KCNAB1: variants seen among roughly 807,000 people sequenced by gnomAD.
KCNAB1 encodes the protein voltage-gated potassium channel subunit beta-1.
A neutral mutation model predicts 64.6 loss-of-function variants in KCNAB1; 35 were observed. The observed-to-expected ratio is 0.54, with a 90% CI of 0.41 to 0.72. KCNAB1 has a LOEUF of 0.72. Among genes scored for constraint, KCNAB1 ranks in the 30% least tolerant of loss-of-function variants. The pLI, the probability that KCNAB1 is intolerant of heterozygous loss-of-function variation, is 0.00. For missense variants in KCNAB1, 401 were observed against 512.9 expected, an observed-to-expected ratio of 0.78 and a Z score of 2.11; for synonymous variants, 177 against 183.8, an observed-to-expected ratio of 0.96 and a Z score of 0.30.
At chr3:156,380,379 T>G (rs1472613342) in intron 1 of KCNAB1, among the ~76,000 whole-genome samples, 1 of 152,268 alleles carries the variant, frequency 6.6e-6, no homozygotes, top group Non-Finnish European at 1.5e-5. Context: ...TATGCATTCC[T>G]TGGTGTACTG....
intron 1 of KCNAB1, among the ~76,000 whole-genome samples, chr3:156,228,983 G>T (rs1716354075): frequency 6.6e-6 from 1 of 152,212 alleles, no homozygotes; most frequent in Non-Finnish European, 1.5e-5. Context: ...GGAGTTTGGG[G>T]AGAGGGCACT....
At chr3:156,534,757 ACCTATC>A (rs1718940255) in intron 13 of KCNAB1, among the ~76,000 whole-genome samples, 1 of 151,918 alleles carries the variant, frequency 6.6e-6, no homozygotes, top group African/African-American at 2.4e-5. Context: ...CCAACCCACC[ACCTATC>A]CCAGGCAGTG....
intron 1 of KCNAB1, among the ~76,000 whole-genome samples, chr3:156,131,150 G>A (rs907231056): frequency 8.5e-5 from 13 of 152,208 alleles, no homozygotes; most frequent in African/African-American, 2.4e-4. Context: ...ATGTGCTAAT[G>A]TCCTGCCAGG....
At chr3:156,252,386 C>A (rs1230363749) in intron 1 of KCNAB1, among the ~76,000 whole-genome samples, 1 of 152,186 alleles carries the variant, frequency 6.6e-6, no homozygotes, top group East Asian at 1.9e-4. Flanking sequence ...ATTTGATAAA[C>A]CAACACTTTT....
intron 1 of KCNAB1, among the ~76,000 whole-genome samples, chr3:156,239,169 C>G (rs529636029): frequency 1.3e-5 from 2 of 152,190 alleles, no homozygotes; most frequent in East Asian, 3.8e-4. Context: ...ATTTGTCATT[C>G]TGACAAACTT....
At chr3:156,354,080 T>C (rs532904966) in intron 1 of KCNAB1, among the ~76,000 whole-genome samples, 10 of 146,714 alleles carry the variant, frequency 6.8e-5, no homozygotes, top group African/African-American at 2.5e-4. Context: ...TGTGTATATA[T>C]GTGTGTATAT....
At chr3:156,459,473 C>G (rs1712722300) in intron 4 of KCNAB1, among the ~76,000 whole-genome samples, 1 of 151,986 alleles carries the variant, frequency 6.6e-6, no homozygotes, top group African/African-American at 2.4e-5. Flanking sequence ...TGCTTCACAG[C>G]AATTAGAAGG....
intron 1 of KCNAB1, among the ~76,000 whole-genome samples, chr3:156,293,327 T>C (rs972120696): frequency 1.3e-5 from 2 of 152,244 alleles, no homozygotes; most frequent in African/African-American, 4.8e-5. Flanking sequence ...TTTGCAGATA[T>C]GATTTTGTTA....
At chr3:156,225,596 A>T (rs1221872566) in intron 1 of KCNAB1, among the ~76,000 whole-genome samples, 1 of 152,202 alleles carries the variant, frequency 6.6e-6, no homozygotes, top group East Asian at 1.9e-4. Flanking sequence ...GAAAGAAATA[A>T]AGGGCATCCA....
At chr3:156,463,488 A>G (rs1002381744) in intron 5 of KCNAB1, among the ~76,000 whole-genome samples, 11 of 152,086 alleles carry the variant, frequency 7.2e-5, no homozygotes, top group Non-Finnish European at 5.9e-5. Context: ...ATTTCCATTC[A>G]GCCTCTTCCT....
intron 1 of KCNAB1, among the ~76,000 whole-genome samples, chr3:156,204,912 C>T (rs1714561066): frequency 6.6e-6 from 1 of 152,112 alleles, no homozygotes; most frequent in African/African-American, 2.4e-5. Context: ...GGATGATGGA[C>T]TCGAATCAGA....
At chr3:156,220,297 T>A (rs1715628921) in intron 1 of KCNAB1, among the ~76,000 whole-genome samples, 1 of 152,198 alleles carries the variant, frequency 6.6e-6, no homozygotes, top group African/African-American at 2.4e-5. Flanking sequence ...CGCCACACTG[T>A]CTTCCACAAT....
intron 1 of KCNAB1, among the ~76,000 whole-genome samples, chr3:156,152,988 C>T (rs938106999): frequency 6.6e-6 from 1 of 152,176 alleles, no homozygotes; most frequent in African/African-American, 2.4e-5. Flanking sequence ...TATTGTCTGT[C>T]TCTCTCACTG....
At chr3:156,149,975 A>G (rs1376785462) in intron 1 of KCNAB1, among the ~76,000 whole-genome samples, 1 of 152,224 alleles carries the variant, frequency 6.6e-6, no homozygotes, top group African/African-American at 2.4e-5. Context: ...GCCTAGAAAA[A>G]TGCTACTCAT....
rs11320799 is a variant in KCNAB1 at position 156,354,723 on chromosome 3, C to CA, written c.276-66875dup. Among the ~76,000 whole-genome samples the CA allele has an allele frequency of 3.6e-3, 429 of 117,836 alleles. 3 individuals carry two copies. The highest frequency in any genetic ancestry group is 0.035 in the East Asian group (126 of 3,630). 77.3% of individuals were successfully genotyped at this position (117,836 alleles called of 152,430 possible). On this transcript the variant is annotated intron_variant, in intron 1 of 13. Coordinates refer to ENST00000490337, the MANE Select transcript of KCNAB1 (RefSeq NM_172160.3). ...TGCTTAATCAAGTGTATCTCCCCTC[C>CA]AAAAAAAAAAAAAAAAAAGGAAAGA...
intron 4 of KCNAB1, among the ~76,000 whole-genome samples, chr3:156,458,815 G>A (rs1054640539): frequency 2.6e-5 from 4 of 152,126 alleles, no homozygotes; most frequent in East Asian, 1.9e-4. Flanking sequence ...GAGGATAATC[G>A]CTCTGATTAA....
At chr3:156,515,047 G>A (rs566964448) in intron 9 of KCNAB1, 53 bp from the exon 10 acceptor site, 44 of 1,502,766 alleles carry the variant, frequency 2.9e-5, no homozygotes, top group Middle Eastern at 1.8e-4. Flanking sequence ...AAATTACAGC[G>A]AAGCCTTATT....
chr3:156,147,041 G>A (rs1269845939), intron 1 of KCNAB1, among the ~76,000 whole-genome samples: 1 of 152,160 alleles, frequency 6.6e-6, no homozygotes, highest in Non-Finnish European at 1.5e-5. Context: ...TTACAAAGAA[G>A]ATAGAAAAAA....
intron 1 of KCNAB1, among the ~76,000 whole-genome samples, chr3:156,123,193 T>C (rs1184924475): frequency 6.6e-6 from 1 of 152,214 alleles, no homozygotes; most frequent in African/African-American, 2.4e-5. Context: ...AACAAATTTA[T>C]CCACCTGTGA....
Sources: allele counts gnomAD v4.1 joint callset (sites outside exome capture counted in the v4.1 genomes callset), GRCh38; gene constraint gnomAD v4.1.1; transcripts MANE v1.5; gene names NCBI Gene and HGNC (gene_info 2026-07-23, HGNC 2026-07-21).